SLC16A2: variants seen among roughly 807,000 people sequenced by gnomAD.
The protein encoded by SLC16A2 is monocarboxylate transporter 8.
SLC16A2 carries 3 observed loss-of-function variants against 27.2 expected under a neutral mutation model. The observed-to-expected ratio is 0.11, with a 90% CI of 0.05 to 0.28. The LOEUF (loss-of-function observed/expected upper bound fraction) is 0.28, where lower values mean the gene tolerates loss of function less well. Ranked by LOEUF, SLC16A2 falls within the 10% of genes least tolerant of loss-of-function variation. The probability of loss-of-function intolerance (pLI) is 1.00; values close to 1 mark genes in which losing one functional copy is unlikely to be tolerated. For missense variants in SLC16A2, 295 were observed against 458.5 expected (o/e 0.64, Z 3.26); for synonymous variants, 202 against 187.8 (o/e 1.08, Z -0.62).
At chrX:74,439,161 T>TTTCTTTCTTTCTTTCTTTCTTTCTTTC (rs1569284610) in intron 1 of SLC16A2, among the ~76,000 whole-genome samples, 1 of 80,575 alleles carries the variant, frequency 1.2e-5, no homozygotes, top group African/African-American at 6.4e-5. Flanking sequence ...TGCTCAACTC[T>TTTCTTTCTTTCTTTCTTTCTTTCTTTC]TTCTTTCTTT....
chrX:74,441,151 C>T (rs1185010038), intron 1 of SLC16A2, among the ~76,000 whole-genome samples: 1 of 110,510 alleles, frequency 9.0e-6, no homozygotes, highest in Admixed American at 9.6e-5. Flanking sequence ...TCCGCCTCCC[C>T]GGTTCACGCC....
intron 1 of SLC16A2, among the ~76,000 whole-genome samples, chrX:74,489,962 C>CACACACAT (rs1306573758): frequency 2.4e-5 from 1 of 41,249 alleles, no homozygotes; most frequent in Admixed American, 3.3e-4. Context: ...TTATAAAGGT[C>CACACACAT]ACACACATAC....
Position 74,450,635 on chromosome X carries a change from G to A in SLC16A2, c.430+28568G>A, listed in dbSNP as rs1285917222. The stretch of plus-strand genomic sequence containing the variant: ...AATATAACTTGGGGTTTTGGACCAA[G>A]CCAATATCAGAGAAGCCACTGCTTC... On this transcript the variant is annotated intron_variant, in intron 1 of 5. Transcript: ENST00000587091. Among the ~76,000 whole-genome samples, 3 of 111,802 alleles carry A rather than the reference G, an allele frequency of 2.7e-5. No homozygotes were observed. In the Admixed American group the frequency reaches 2.9e-4, roughly 11 times the overall value.
intron 1 of SLC16A2, among the ~76,000 whole-genome samples, chrX:74,455,417 A>T (rs1367677781): frequency 1.8e-5 from 2 of 111,291 alleles, no homozygotes; most frequent in African/African-American, 3.3e-5. Context: ...AAAGTAGAAA[A>T]TACTAAAGGC....
chrX:74,494,395 T>G (rs1929894788), intron 1 of SLC16A2, among the ~76,000 whole-genome samples: 1 of 111,292 alleles, frequency 9.0e-6, no homozygotes, highest in Non-Finnish European at 1.9e-5. Flanking sequence ...GATCCGTAAG[T>G]ATTTCAATAT....
chrX:74,475,840 ATC>A (rs1929465712), intron 1 of SLC16A2, among the ~76,000 whole-genome samples: 1 of 111,322 alleles, frequency 9.0e-6, no homozygotes, highest in Admixed American at 9.6e-5. Context: ...ATTGGTCTAT[ATC>A]TCTGTTTTGG....
chrX:74,429,996 G>A (rs911473576), intron 1 of SLC16A2, among the ~76,000 whole-genome samples: 11 of 111,973 alleles, frequency 9.8e-5, no homozygotes, highest in East Asian at 2.8e-4. Context: ...TGCATTCCAC[G>A]GTGGAGTTTC....
chrX:74,465,475 T>C (rs1929234876), intron 1 of SLC16A2, among the ~76,000 whole-genome samples: 1 of 110,941 alleles, frequency 9.0e-6, no homozygotes, highest in South Asian at 3.9e-4. Flanking sequence ...TTGCTGCTCT[T>C]GCCCACCCTT....
intron 1 of SLC16A2, among the ~76,000 whole-genome samples, chrX:74,449,315 T>G (rs1928895228): frequency 9.0e-6 from 1 of 111,727 alleles, no homozygotes; most frequent in Non-Finnish European, 1.9e-5. Flanking sequence ...TCTAATTGAG[T>G]GATGCTAATT....
At chrX:74,439,444 G>A (rs1928700264) in intron 1 of SLC16A2, among the ~76,000 whole-genome samples, 2 of 101,731 alleles carry the variant, frequency 2.0e-5, no homozygotes, top group South Asian at 9.6e-4. Context: ...TTGTGTAGCT[G>A]GGACTACAGA....
intron 1 of SLC16A2, among the ~76,000 whole-genome samples, chrX:74,518,359 T>C (rs1930349579): frequency 8.9e-6 from 1 of 111,949 alleles, no homozygotes; most frequent in Non-Finnish European, 1.9e-5. Context: ...TTTGGGAGAC[T>C]GAGGCAGGTG....
intron 1 of SLC16A2, among the ~76,000 whole-genome samples, chrX:74,440,059 G>A (rs1189501307): frequency 8.9e-6 from 1 of 111,750 alleles, no homozygotes; most frequent in African/African-American, 3.3e-5. Flanking sequence ...GAAGAGTTAA[G>A]CATGGTTAGA....
At chrX:74,474,735 T>C (rs1003487080) in intron 1 of SLC16A2, among the ~76,000 whole-genome samples, 5 of 110,725 alleles carry the variant, frequency 4.5e-5, no homozygotes, top group African/African-American at 1.6e-4. Flanking sequence ...CCGTGTTTGG[T>C]TTTTTGTCCT....
intron 1 of SLC16A2, among the ~76,000 whole-genome samples, chrX:74,454,673 C>A (rs1303699300): frequency 9.1e-6 from 1 of 109,822 alleles, no homozygotes; most frequent in African/African-American, 3.3e-5. Context: ...CACATGTATA[C>A]ATATATGACA....
intron 1 of SLC16A2, among the ~76,000 whole-genome samples, chrX:74,465,476 GC>G (rs1411323380): frequency 9.0e-6 from 1 of 110,965 alleles, no homozygotes; most frequent in East Asian, 2.9e-4. Flanking sequence ...TGCTGCTCTT[GC>G]CCACCCTTCA....
rs1930574133 is a variant in SLC16A2, at chrX:74,531,838, C to CT, written c.*286dup. 2.6e-6 allele frequency: 1 copy of CT among 389,502 alleles called. No homozygotes were observed. The highest frequency in any genetic ancestry group is 4.5e-6 in the Non-Finnish European group (1 of 220,508). 32.1% of individuals were successfully genotyped at this position (389,502 alleles called of 1,213,427 possible). On this transcript the variant is annotated 3_prime_UTR_variant, in exon 6 of 6. Coordinates refer to ENST00000587091, the MANE Select transcript of SLC16A2 (RefSeq NM_006517.5). ...AACCTCTCCATATACTTTCTAAGCT[C>CT]TGGGGGAGGAGGAGGATGGGACCTC...
intron 1 of SLC16A2, among the ~76,000 whole-genome samples, chrX:74,502,039 C>T (rs1038586843): frequency 6.3e-5 from 7 of 111,844 alleles, no homozygotes; most frequent in African/African-American, 2.3e-4. Context: ...CTCCCCTCTG[C>T]AGACAGACTC....
chrX:74,492,297 A>T (rs1034257610), intron 1 of SLC16A2, among the ~76,000 whole-genome samples: 2 of 111,273 alleles, frequency 1.8e-5, no homozygotes, highest in African/African-American at 6.5e-5. Context: ...AAGGAGCCTC[A>T]GGGAGGCTGA....
intron 1 of SLC16A2, among the ~76,000 whole-genome samples, chrX:74,437,358 T>G (rs973396443): frequency 1.8e-5 from 2 of 112,473 alleles, no homozygotes; most frequent in African/African-American, 6.5e-5. Context: ...GAGGCTCTTT[T>G]GCCTCCACAT....
Sources: gnomAD v4.1 joint callset for allele counts (sites outside exome capture counted in the v4.1 genomes callset) on GRCh38, gnomAD v4.1.1 for gene constraint, MANE v1.5 for transcripts, NCBI Gene and HGNC (gene_info 2026-07-23, HGNC 2026-07-21) for gene names.